RAG1: variants seen among roughly 807,000 people sequenced by gnomAD.
RAG1 encodes V(D)J recombination-activating protein 1.
RAG1 carries 35 observed loss-of-function variants against 62.7 expected under a neutral mutation model. That is an observed-to-expected ratio of 0.56 (90% confidence interval 0.43 to 0.74). RAG1 has a LOEUF of 0.74. Ranked by LOEUF, RAG1 falls within the 30% of genes least tolerant of loss-of-function variation. The pLI is 0.00. For missense variants in RAG1, 1,169 were observed against 1,278.6 expected (o/e 0.91, Z 1.31); for synonymous variants, 461 against 470.3 (o/e 0.98, Z 0.26).
At chr11:36,536,251 T>A (rs980330761), downstream of RAG1, among the ~76,000 whole-genome samples, 1 of 152,156 alleles carries the variant, frequency 6.6e-6, no homozygotes, top group Non-Finnish European at 1.5e-5. Context: ...CACTGTAAAA[T>A]GCTTAAGTAA....
intron 2 of RAG1, among the ~76,000 whole-genome samples, chr11:36,534,954 T>TA (rs1473778823): frequency 1.3e-5 from 2 of 152,208 alleles, no homozygotes; most frequent in Non-Finnish European, 2.9e-5. Context: ...TTCTTTGATC[T>TA]AATAGCCATT....
chr11:36,514,765 G>A (rs1335577490), intron 1 of RAG1, among the ~76,000 whole-genome samples: 1 of 152,218 alleles, frequency 6.6e-6, no homozygotes, highest in African/African-American at 2.4e-5. Flanking sequence ...AGAAGGTGGA[G>A]CTCAGGCAGT....
rs113440974 is a variant in RAG1 at position 36,523,044 on chromosome 11, T to G, written n.428+2815T>G. ...ACTTGCTTTGTCTCAGATGAGACTTTGGACTGTGGACTTTTGAGTTAATGC... is the reference window on the plus strand; with the variant it reads ...ACTTGCTTTGTCTCAGATGAGACTTGGGACTGTGGACTTTTGAGTTAATGC... On this transcript the variant is annotated intron_variant and non_coding_transcript_variant, in intron 2 of 2. Coordinates refer to the RAG1 transcript ENST00000529126. Among the ~76,000 whole-genome samples the G allele has an allele frequency of 2.0e-3, 309 of 152,322 alleles. 1 individual carries two copies. Among genetic ancestry groups the G allele is most frequent in the African/African-American group, 6.4e-3 (266 of 41,582 alleles).
chr11:36,542,835 A>T (rs1201428430), intron 3 of RAG1, among the ~76,000 whole-genome samples: 1 of 152,152 alleles, frequency 6.6e-6, no homozygotes, highest in Non-Finnish European at 1.5e-5. Context: ...ATTGCTCTAT[A>T]TGTTATATAC....
intron 2 of RAG1, among the ~76,000 whole-genome samples, chr11:36,521,325 A>G (rs950825668): frequency 6.6e-6 from 1 of 152,174 alleles, no homozygotes; most frequent in Admixed American, 6.5e-5. Context: ...AAGATGATTG[A>G]GTCATGGGGG....
intron 1 of RAG1, among the ~76,000 whole-genome samples, chr11:36,519,882 C>T (rs892589206): frequency 6.6e-6 from 1 of 152,100 alleles, no homozygotes; most frequent in Admixed American, 6.6e-5. Context: ...AGTCATGTTA[C>T]AGAAGATTAT....
At chr11:36,558,422 A>T (rs1450842440) in intron 3 of RAG1, among the ~76,000 whole-genome samples, 1 of 152,200 alleles carries the variant, frequency 6.6e-6, no homozygotes, top group Non-Finnish European at 1.5e-5. Flanking sequence ...TTTAGATCTA[A>T]TACTTGCTTT....
intron 1 of RAG1, chr11:36,515,379 G>T (rs1246407133): frequency 6.6e-6 from 1 of 152,014 alleles, no homozygotes; most frequent in East Asian, 1.9e-4. Context: ...TCTCCCCCTG[G>T]TTGCCCATTT....
At chr11:36,561,897 C>T (rs565503759) in intron 3 of RAG1, among the ~76,000 whole-genome samples, 1 of 152,302 alleles carries the variant, frequency 6.6e-6, no homozygotes, top group African/African-American at 2.4e-5. Context: ...CCTGACTATA[C>T]AGCAGTGTCT....
In RAG1 at chr11:36,573,653, T is replaced by C; in HGVS notation, c.349T>C (p.Ser117Pro). The C allele has an allele frequency of 6.2e-7, 1 of 1,614,108 alleles. No homozygotes were observed. The highest frequency in any genetic ancestry group is 1.3e-5 in the African/African-American group (1 of 75,006). ...ACATCTCTGCCGCATCTGTGGGAAT[T>C]CTTTTAGAGCTGATGAGCACAACAG... ...LRHLCRICGN[S>P]FRADEHNRRY... is the part of the protein sequence containing the mutation. The change falls in exon 2 of 2, where the codon TCT (serine) becomes CCT (proline). Residue 117 changes from serine to proline, a missense_variant. Physicochemically the swap from Ser to Pro is moderately conservative, Grantham distance 74. This residue lies in a region of RAG1 where 369 missense variants were observed against 335.3 expected (regional missense o/e 1.10). Transcript: ENST00000299440.
exon 3 of RAG1, chr11:36,535,964 C>G (rs1458007970): frequency 6.6e-6 from 1 of 152,122 alleles, no homozygotes; most frequent in Non-Finnish European, 1.5e-5. Flanking sequence ...ATCAGGCATT[C>G]ATCTCTTTCA....
In RAG1 at chr11:36,573,663, C is replaced by T. The variant is rs1249112395; in HGVS notation, c.359C>T (p.Ala120Val). Reference sequence around the variant, plus strand: ...CGCATCTGTGGGAATTCTTTTAGAGCTGATGAGCACAACAGGAGATATCCA... The same window carrying T: ...CGCATCTGTGGGAATTCTTTTAGAGTTGATGAGCACAACAGGAGATATCCA... ...LCRICGNSFRADEHNRRYPVH... is the reference protein window; with the variant it reads ...LCRICGNSFRVDEHNRRYPVH... The change falls in exon 2 of 2, where the codon GCT becomes GTT. Residue 120 changes from alanine to valine, a missense_variant. Transcript: ENST00000299440. 6.2e-7 allele frequency: 1 copy of T among 1,614,114 alleles called. No homozygotes were observed.
intron 3 of RAG1, among the ~76,000 whole-genome samples, chr11:36,541,610 A>G (rs1860418640): frequency 6.6e-6 from 1 of 152,154 alleles, no homozygotes; most frequent in South Asian, 2.1e-4. Context: ...AAACGACATA[A>G]GAAACAGGAA....
At chr11:36,544,271 CAG>C (rs993300556) in intron 3 of RAG1, among the ~76,000 whole-genome samples, 3 of 152,096 alleles carry the variant, frequency 2.0e-5, no homozygotes, top group African/African-American at 7.2e-5. Flanking sequence ...GTGTTCTTAT[CAG>C]AGAAGAAGGG....
In RAG1 at chr11:36,574,394, A is replaced by G. The variant is rs369623707; in HGVS notation, c.1090A>G (p.Asn364Asp). 1 of 1,614,110 alleles carries G rather than the reference A, an allele frequency of 6.2e-7. No homozygotes were observed. Among genetic ancestry groups the G allele is most frequent in the African/African-American group, 1.3e-5 (1 of 74,942 alleles). The part of the protein sequence containing the change: ...LMVKCPAKEC[N>D]EEVSLEKYNH... ...GGTGAAATGTCCAGCAAAAGAGTGC[A>G]ATGAGGAGGTCAGTTTGGAAAAATA... The change falls in exon 2 of 2, where the codon AAT becomes GAT. Residue 364 changes from asparagine to aspartate, a missense_variant. Asn to Asp is a conservative substitution (Grantham distance 23, BLOSUM62 1). Coordinates refer to ENST00000299440, the MANE Select transcript of RAG1 (RefSeq NM_000448.3).
rs370855517 is a variant in RAG1, at chr11:36,574,828, T to C, written c.1524T>C (p.Asn508=). 19 of 1,614,246 alleles carry C rather than the reference T, an allele frequency of 1.2e-5. No homozygotes were observed. In the African/African-American group the frequency reaches 2.4e-4, roughly 20 times the overall value. ...QIFQPLHALR[N]AEKVLLPGYH... ...TTCAGCCTTTGCATGCCCTTCGGAA[T>C]GCTGAGAAGGTACTTCTGCCAGGCT... The change falls in exon 2 of 2, where the codon AAT becomes AAC. Residue 508 remains asparagine, a synonymous_variant. Transcript: ENST00000299440.
intron 3 of RAG1, among the ~76,000 whole-genome samples, chr11:36,547,852 T>A (rs1484671596): frequency 2.0e-5 from 3 of 152,158 alleles, no homozygotes; most frequent in African/African-American, 7.2e-5. Flanking sequence ...ATACCCCTGA[T>A]GAACATCGAT....
chr11:36,541,431 A>G (rs1250600143), intron 3 of RAG1, among the ~76,000 whole-genome samples: 1 of 152,230 alleles, frequency 6.6e-6, no homozygotes, highest in Admixed American at 6.5e-5. Flanking sequence ...ACACATTAAC[A>G]CTGAATTGCA....
At chr11:36,529,499 T>C (rs576698957) in intron 2 of RAG1, among the ~76,000 whole-genome samples, 1 of 152,306 alleles carries the variant, frequency 6.6e-6, no homozygotes, top group East Asian at 1.9e-4. Flanking sequence ...TATCTCAAAA[T>C]AATAAGAGCT....
Sources: allele counts gnomAD v4.1 joint callset (sites outside exome capture counted in the v4.1 genomes callset), GRCh38; gene constraint gnomAD v4.1.1; regional missense constraint gnomAD v4.1.1; transcripts MANE v1.5; gene names NCBI Gene and HGNC (gene_info 2026-07-23, HGNC 2026-07-21).